Variants in PPIE observed in about 807,000 individuals in gnomAD.
PPIE encodes peptidyl-prolyl cis-trans isomerase E.
In PPIE, 20 loss-of-function variants were observed where a neutral mutation model predicts 38.4. The observed-to-expected ratio is 0.52, with a 90% CI of 0.37 to 0.76. The LOEUF (loss-of-function observed/expected upper bound fraction) is 0.76. Ranked by LOEUF, PPIE falls within the 30% of genes least tolerant of loss-of-function variation. PPIE has a pLI of 0.00. For missense variants in PPIE, 322 were observed against 385.8 expected, an observed-to-expected ratio of 0.83 and a Z score of 1.39; for synonymous variants, 142 against 135.7, an observed-to-expected ratio of 1.05 and a Z score of -0.32.
downstream of PPIE, chr1:39,760,717 A>G (rs1281713873): frequency 2.6e-6 from 3 of 1,152,144 alleles, no homozygotes; most frequent in Admixed American, 2.6e-5. Flanking sequence ...ATTAACAGGA[A>G]TAAGAGCAGT....
intron 5 of PPIE, 44 bp from the exon 6 acceptor site, chr1:39,743,780 A>G (rs746159209): frequency 2.0e-6 from 3 of 1,538,352 alleles, no homozygotes; most frequent in Admixed American, 1.7e-5. Flanking sequence ...TTTCAGTTCA[A>G]GCTGACAGCT....
chr1:39,751,577 C>G (rs1647737899), intron 8 of PPIE, among the ~76,000 whole-genome samples: 1 of 152,112 alleles, frequency 6.6e-6, no homozygotes, highest in Non-Finnish European at 1.5e-5. Context: ...TCAGGCTAGT[C>G]TGGAACTCTT....
intron 9 of PPIE, chr1:39,763,033 A>G: frequency 1.0e-5 from 16 of 1,580,856 alleles, no homozygotes; most frequent in Non-Finnish European, 1.4e-5. Flanking sequence ...GCTGGACCAG[A>G]CCCCTCTCCA....
At chr1:39,742,638 T>C (rs1360240929) in intron 4 of PPIE, 3 of 152,218 alleles carry the variant, frequency 2.0e-5, no homozygotes, top group African/African-American at 7.2e-5. Context: ...CATTTCTTTC[T>C]ACCGATTAGT....
chr1:39,755,751 C>A lies in PPIE; in HGVS notation c.*2396C>A. ...TCTGAAAGCTCAGCAGGTTTGGAGC[C>A]ATTGGGTGTGGACTCCTCTCCCAGT... is the stretch of plus-strand genomic sequence containing the variant. On this transcript the variant is annotated 3_prime_UTR_variant, in exon 10 of 10. Transcript: ENST00000324379. 1.0e-6 allele frequency: 1 copy of A among 985,376 alleles called. No individual in the cohort carries two copies. Among genetic ancestry groups the A allele is most frequent in the Non-Finnish European group, 1.2e-6 (1 of 829,922 alleles). The allele number at this position is 985,376 out of a possible 1,614,324, so 61.0% of individuals were successfully genotyped here.
rs972079995 is a variant in PPIE at position 39,754,190 on chromosome 1, A to G, written c.*835A>G. The G allele has an allele frequency of 3.0e-6, 2 of 666,488 alleles. No individual in the cohort carries two copies. The highest frequency in any genetic ancestry group is 3.9e-5 in the African/African-American group (2 of 50,820). The allele number at this position is 666,488 out of a possible 1,614,324, so 41.3% of individuals were successfully genotyped here. On this transcript the variant is annotated 3_prime_UTR_variant, in exon 10 of 10. Coordinates refer to ENST00000324379, the MANE Select transcript of PPIE (RefSeq NM_006112.4). The stretch of plus-strand genomic sequence containing the variant: ...ACGTCCATTTATTTACATATTGTCC[A>G]TGGTGGTTTCTTACTGCAGTGGCAG...
chr1:39,763,733 G>T, exon 10 of PPIE: 1 of 1,602,970 alleles, frequency 6.2e-7, no homozygotes, highest in Admixed American at 1.7e-5. Flanking sequence ...GGTCCTGGAA[G>T]CTGACGTAGA....
Position 39,756,297 on chromosome 1 carries a change from C to G in PPIE, c.*2942C>G, listed in dbSNP as rs1054252104. 5.5e-5 allele frequency: 54 copies of G among 985,362 alleles called. No homozygotes were observed. The highest frequency in any genetic ancestry group is 6.4e-5 in the Non-Finnish European group (53 of 829,950). 61.0% of individuals were successfully genotyped at this position (985,362 alleles called of 1,614,324 possible). ...TCCTGTCCCAACTGGCCTCCCCATT[C>G]CACATTCCCATTGCTGGACCAGCAC... On this transcript the variant is annotated 3_prime_UTR_variant, in exon 10 of 10. Coordinates refer to ENST00000324379, the MANE Select transcript of PPIE (RefSeq NM_006112.4).
chr1:39,739,859 C>G (rs566838491), intron 1 of PPIE, among the ~76,000 whole-genome samples: 1 of 152,184 alleles, frequency 6.6e-6, no homozygotes, highest in South Asian at 2.1e-4. Context: ...CGAAAAGTTA[C>G]GGGTTCAAAT....
chr1:39,760,453 C>T (rs141647099), downstream of PPIE: 76 of 1,613,972 alleles, frequency 4.7e-5, no homozygotes, highest in African/African-American at 1.1e-4. Context: ...CACCATGTTG[C>T]GGTGCTTGCG....
chr1:39,763,424 G>C (rs1415834547), intron 9 of PPIE, among the ~76,000 whole-genome samples: 1 of 144,794 alleles, frequency 6.9e-6, no homozygotes, highest in Non-Finnish European at 1.5e-5. Context: ...ACGCCTCCCA[G>C]AGCTGCAGTC....
Position 39,753,016 on chromosome 1 carries a change from G to A in PPIE, c.801G>A (p.Glu267=), listed in dbSNP as rs770082485. The change falls in exon 9 of 10, where the codon GAG becomes GAA. Residue 267 remains glutamate (E), a synonymous_variant. Coordinates refer to ENST00000324379, the MANE Select transcript of PPIE (RefSeq NM_006112.4). ...ATGGCAAGCATGTGGTGTTTGGAGA[G>A]GTCACCGAAGGCCTAGATGTCTTGC... ...WLDGKHVVFG[E]VTEGLDVLRQ... 3.9e-5 allele frequency: 63 copies of A among 1,614,124 alleles called. No homozygotes were observed. The highest frequency in any genetic ancestry group is 1.6e-4 in the Middle Eastern group (1 of 6,084).
At chr1:39,760,387 A>G, downstream of PPIE, 1 of 1,611,898 alleles carries the variant, frequency 6.2e-7, no homozygotes, top group Non-Finnish European at 8.5e-7. Flanking sequence ...CCAGATGAGA[A>G]GGGTGGCTGC....
intron 9 of PPIE, chr1:39,762,434 G>C: frequency 6.9e-7 from 1 of 1,458,116 alleles, no homozygotes; most frequent in Non-Finnish European, 9.1e-7. Flanking sequence ...GGAAGCCTCG[G>C]TGCCAGAATC....
chr1:39,760,305 G>A, downstream of PPIE: 2 of 1,495,466 alleles, frequency 1.3e-6, no homozygotes, highest in Admixed American at 1.9e-5. Context: ...TGGTTGTGAG[G>A]GTCCTCCCTG....
intron 8 of PPIE, among the ~76,000 whole-genome samples, chr1:39,750,834 G>C (rs1647647702): frequency 6.6e-6 from 1 of 152,150 alleles, no homozygotes; most frequent in Admixed American, 6.5e-5. Flanking sequence ...TTTCTAACTG[G>C]TGGTTTGTAG....
chr1:39,738,906 C>T lies in PPIE; in HGVS notation c.6C>T (p.Ala2=), dbSNP rs143737106. 9.9e-6 allele frequency: 15 copies of T among 1,508,156 alleles called. No individual in the cohort carries two copies. The African/African-American group carries it at 1.2e-4, about 12-fold the overall frequency. 93.4% of individuals were successfully genotyped at this position (1,508,156 alleles called of 1,614,324 possible). A position where few individuals can be genotyped will look rare whatever the true frequency, so the allele number is the denominator to read the frequency against. The change falls in exon 1 of 10, where the codon GCC becomes GCT. Residue 2 remains alanine (A), a synonymous_variant. Transcript: ENST00000324379. The part of the protein sequence containing the change: M[A]TTKRVLYVGG... ...CGGAAAAGCGCGCGAGCAAGATGGCCACCACCAAGCGCGTCTTGTACGTGG... is the reference window on the plus strand; with the variant it reads ...CGGAAAAGCGCGCGAGCAAGATGGCTACCACCAAGCGCGTCTTGTACGTGG...
Position 39,738,978 on chromosome 1 carries a change from C to T in PPIE, c.31+47C>T. 4 of 1,411,514 alleles carry T rather than the reference C, an allele frequency of 2.8e-6. No homozygotes were observed. In the Middle Eastern group the frequency reaches 5.6e-4, roughly 198 times the overall value. The allele number at this position is 1,411,514 out of a possible 1,614,324, so 87.4% of individuals were successfully genotyped here. ...GCGGAGTCTGAGTGAACGCGACCCCCAAGGGTCGGGGCGTGGGGTGGGACG... is the reference window on the plus strand; with the variant it reads ...GCGGAGTCTGAGTGAACGCGACCCCTAAGGGTCGGGGCGTGGGGTGGGACG... On this transcript the variant is annotated intron_variant, in intron 1 of 9. Coordinates refer to ENST00000324379, the MANE Select transcript of PPIE (RefSeq NM_006112.4).
At chr1:39,760,672 C>G (rs142417178), downstream of PPIE, 1 of 1,406,094 alleles carries the variant, frequency 7.1e-7, no homozygotes, top group Admixed American at 2.2e-5. Flanking sequence ...CTGGCCATCT[C>G]CAGGCCACAT....
Sources: gnomAD v4.1 joint callset for allele counts (sites outside exome capture counted in the v4.1 genomes callset) on GRCh38, gnomAD v4.1.1 for gene constraint, MANE v1.5 for transcripts, NCBI Gene and HGNC (gene_info 2026-07-23, HGNC 2026-07-21) for gene names.